The following EGFLAM variants were observed in gnomAD, a reference collection of about 807,000 sequenced individuals.
The protein encoded by EGFLAM is EGF like, fibronectin type III and laminin G domains, also known as pikachurin.
In EGFLAM, 79 loss-of-function variants were observed where a neutral mutation model predicts 113.1. The ratio of observed to expected loss-of-function variants is 0.70; its 90% CI spans 0.58 to 0.84. EGFLAM has a LOEUF of 0.84. EGFLAM is among the 40% of genes least tolerant of loss of function. EGFLAM has a pLI of 0.00. For synonymous variants in EGFLAM, 504 were observed against 487.6 expected (o/e 1.03, Z -0.44); for missense variants, 1,265 against 1,291.6 (o/e 0.98, Z 0.32).
At chr5:38,402,680 T>G (rs7722609) in intron 6 of EGFLAM, among the ~76,000 whole-genome samples, 10,212 of 152,278 alleles carry the variant, frequency 0.067, 1,053 homozygotes, top group African/African-American at 0.22. Context: ...CATACTTACC[T>G]TGTAAGATTA....
chr5:38,391,524 G>A (rs955701253), intron 6 of EGFLAM, among the ~76,000 whole-genome samples: 2 of 151,610 alleles, frequency 1.3e-5, no homozygotes, highest in Admixed American at 6.6e-5. Flanking sequence ...TCAGCCTCCC[G>A]AGTAGCTGGG....
intron 5 of EGFLAM, among the ~76,000 whole-genome samples, chr5:38,365,718 A>AT (rs1740042370): frequency 1.3e-5 from 2 of 152,136 alleles, no homozygotes; most frequent in Admixed American, 1.3e-4. Context: ...AAAGCTAAGT[A>AT]TTTTTTCTTG....
chr5:38,459,464 C>T (rs1743201545), intron 20 of EGFLAM, among the ~76,000 whole-genome samples: 1 of 152,174 alleles, frequency 6.6e-6, no homozygotes, highest in Non-Finnish European at 1.5e-5. Flanking sequence ...AATAGTTTTA[C>T]TATTAATACC....
chr5:38,373,057 A>G (rs1359757930), intron 6 of EGFLAM, among the ~76,000 whole-genome samples: 1 of 152,224 alleles, frequency 6.6e-6, no homozygotes, highest in Admixed American at 6.5e-5. Context: ...TAAATTTCAA[A>G]TAATACAAAA....
At chr5:38,361,157 C>T (rs1739910593) in intron 5 of EGFLAM, among the ~76,000 whole-genome samples, 1 of 152,002 alleles carries the variant, frequency 6.6e-6, no homozygotes, top group Non-Finnish European at 1.5e-5. Flanking sequence ...TGAGCCACCG[C>T]ACCCTCCCTG....
intron 1 of EGFLAM, among the ~76,000 whole-genome samples, chr5:38,301,591 A>G (rs1463997399): frequency 6.6e-6 from 1 of 152,086 alleles, no homozygotes; most frequent in African/African-American, 2.4e-5. Context: ...GAGATGGGAA[A>G]AACAATAGTA....
rs150973627 is a variant in EGFLAM at position 38,435,661 on chromosome 5, A to C, written c.2283+408A>C. Among the ~76,000 whole-genome samples the C allele has an allele frequency of 3.0e-3, 461 of 152,268 alleles. 1 individual carries two copies. The highest frequency in any genetic ancestry group is 0.011 in the African/African-American group (439 of 41,548). On this transcript the variant is annotated intron_variant, in intron 16 of 21. Coordinates refer to ENST00000322350, the MANE Select transcript of EGFLAM (RefSeq NM_152403.4). ...TTGCAGTTTGCTCAACATTAGAGCCAGTGCTCATCCCCACCCCTACACTTT... is the reference window on the plus strand; with the variant it reads ...TTGCAGTTTGCTCAACATTAGAGCCCGTGCTCATCCCCACCCCTACACTTT...
intron 12 of EGFLAM, 51 bp from the exon 13 acceptor site, chr5:38,424,916 T>G: frequency 1.2e-6 from 2 of 1,603,646 alleles, no homozygotes; most frequent in Non-Finnish European, 1.7e-6. Context: ...GCCACTGTGT[T>G]GGACTGGCAC....
At position 38,258,702 on chromosome 5, in the gene EGFLAM, C is replaced by A; in HGVS notation, c.-53C>A. On this transcript the variant is annotated 5_prime_UTR_variant, in exon 1 of 22. Coordinates refer to ENST00000322350, the MANE Select transcript of EGFLAM (RefSeq NM_152403.4). Reference sequence around the variant, plus strand: ...GTCCCCCACGCGCCCCCGGAGACGCCCTTTCCGTGTGCGCCCGGGACTTGG... The same window carrying A: ...GTCCCCCACGCGCCCCCGGAGACGCACTTTCCGTGTGCGCCCGGGACTTGG... The A allele has an allele frequency of 6.4e-7, 1 of 1,563,446 alleles. No individual in the cohort carries two copies. Among genetic ancestry groups the A allele is most frequent in the Non-Finnish European group, 8.7e-7 (1 of 1,151,382 alleles).
intron 10 of EGFLAM, among the ~76,000 whole-genome samples, chr5:38,411,863 G>C (rs556012069): frequency 1.3e-5 from 2 of 151,436 alleles, no homozygotes; most frequent in East Asian, 3.9e-4. Flanking sequence ...GCAGTGGCTT[G>C]ATCTTGGCTC....
chr5:38,438,139 A>G, intron 16 of EGFLAM, 136 bp from the exon 17 acceptor site: 2 of 770,392 alleles, frequency 2.6e-6, no homozygotes, highest in Non-Finnish European at 3.7e-6. Flanking sequence ...AAAAAAAAAA[A>G]AGTGGAAACT....
chr5:38,403,872 T>G (rs1415116899), intron 6 of EGFLAM: 5 of 1,613,836 alleles, frequency 3.1e-6, no homozygotes, highest in Non-Finnish European at 4.2e-6. Flanking sequence ...TGCAGGTGGC[T>G]TGAGAGAACA....
At chr5:38,407,631 AG>A (rs1180800780) in intron 8 of EGFLAM, among the ~76,000 whole-genome samples, 173 bp from the exon 9 acceptor site, 1 of 152,238 alleles carries the variant, frequency 6.6e-6, no homozygotes, top group African/African-American at 2.4e-5. Context: ...AGAAGCTCAA[AG>A]TCTCCAAGAA....
chr5:38,331,797 G>T (rs776579434), intron 1 of EGFLAM, among the ~76,000 whole-genome samples: 7 of 152,062 alleles, frequency 4.6e-5, no homozygotes, highest in Non-Finnish European at 1.0e-4. Context: ...CTGTTGTCTG[G>T]AAGTACCACA....
At chr5:38,364,640 G>C (rs1184101541) in intron 5 of EGFLAM, among the ~76,000 whole-genome samples, 2 of 152,124 alleles carry the variant, frequency 1.3e-5, no homozygotes, top group African/African-American at 2.4e-5. Context: ...TCCCGTCTTT[G>C]AAAGATCGTG....
chr5:38,334,010 G>A (rs543175210), intron 1 of EGFLAM, among the ~76,000 whole-genome samples: 10 of 125,932 alleles, frequency 7.9e-5, no homozygotes, highest in East Asian at 2.7e-4. Context: ...TGCAACCTCC[G>A]CCTCCTGGGT....
intron 1 of EGFLAM, chr5:38,291,016 G>A (rs2111792469): frequency 6.6e-6 from 1 of 152,378 alleles, no homozygotes; most frequent in East Asian, 1.9e-4. Context: ...AACCCGGGAG[G>A]CGGAGCTTGC....
chr5:38,368,162 G>T (rs1287332906), intron 5 of EGFLAM, among the ~76,000 whole-genome samples: 1 of 152,166 alleles, frequency 6.6e-6, no homozygotes, highest in Non-Finnish European at 1.5e-5. Flanking sequence ...TTTATCTAAA[G>T]ATCACATCTT....
chr5:38,289,559 A>G (rs1354585776), intron 1 of EGFLAM, among the ~76,000 whole-genome samples: 1 of 152,212 alleles, frequency 6.6e-6, no homozygotes, highest in Non-Finnish European at 1.5e-5. Context: ...TTTCTGATAG[A>G]GGAGGAAAGT....
Sources: allele counts gnomAD v4.1 joint callset (sites outside exome capture counted in the v4.1 genomes callset), GRCh38; gene constraint gnomAD v4.1.1; transcripts MANE v1.5; gene names NCBI Gene and HGNC (gene_info 2026-07-23, HGNC 2026-07-21).